The following PPP2R1B variants were observed in gnomAD, a reference collection of about 807,000 sequenced individuals.
PPP2R1B encodes serine/threonine-protein phosphatase 2A 65 kDa regulatory subunit A beta isoform.
A neutral mutation model predicts 72.7 loss-of-function variants in PPP2R1B; 58 were observed. That is an observed-to-expected ratio of 0.80 (90% CI 0.65 to 0.99). The LOEUF (loss-of-function observed/expected upper bound fraction) is 0.99, where lower values mean the gene tolerates loss of function less well. Among genes scored for constraint, PPP2R1B ranks in the 50% least tolerant of loss-of-function variants. The pLI, the probability that PPP2R1B is intolerant of heterozygous loss-of-function variation, is 0.00. For missense variants in PPP2R1B, 695 were observed against 733.6 expected, an observed-to-expected ratio of 0.95 and a Z score of 0.61; for synonymous variants, 256 against 264.6, an observed-to-expected ratio of 0.97 and a Z score of 0.32.
the PPP2R1B span, chr11:111,712,169 G>T: frequency 1.3e-6 from 2 of 1,572,450 alleles, no homozygotes; most frequent in African/African-American, 2.7e-5. Context: ...TATAGAGAAG[G>T]TATTCATGTT....
At chr11:111,725,301 G>A (rs149005940), downstream of PPP2R1B, 795 of 152,708 alleles carry the variant, frequency 5.2e-3, 8 homozygotes, top group South Asian at 9.1e-3. Context: ...TCTTAATTTC[G>A]TTAAAGTTTT....
intron 11 of PPP2R1B, 41 bp downstream of exon 11, chr11:111,747,913 T>TG (rs1565448029): frequency 6.5e-7 from 1 of 1,542,068 alleles, no homozygotes; most frequent in African/African-American, 1.4e-5. Flanking sequence ...ATGAAAATCA[T>TG]GGATATATGG....
chr11:111,711,956 C>T, the PPP2R1B span, among the ~76,000 whole-genome samples: 1 of 152,228 alleles, frequency 6.6e-6, no homozygotes, highest in Non-Finnish European at 1.5e-5. Context: ...TCGTCACCTG[C>T]GTGAAAGTCA....
the PPP2R1B span, among the ~76,000 whole-genome samples, chr11:111,714,201 T>G: frequency 6.6e-6 from 1 of 151,974 alleles, no homozygotes; most frequent in African/African-American, 2.4e-5. Flanking sequence ...TCCATCTCCA[T>G]AGAGAAGGGT....
At chr11:111,755,490 G>C in intron 5 of PPP2R1B, 40 bp from the exon 6 acceptor site, 1 of 1,557,748 alleles carries the variant, frequency 6.4e-7, no homozygotes, top group South Asian at 1.2e-5. Context: ...CATTTACTGA[G>C]ACCCATGGGG....
Position 111,737,878 on chromosome 11 carries a change from T to G in PPP2R1B, c.*3718A>C. 8.5e-7 allele frequency: 1 copy of G among 1,179,546 alleles called. No individual in the cohort carries two copies. Among genetic ancestry groups the G allele is most frequent in the East Asian group, 4.3e-5 (1 of 23,054 alleles). The allele number at this position is 1,179,546 out of a possible 1,614,324, so 73.1% of individuals were successfully genotyped here. A position where few individuals can be genotyped will look rare whatever the true frequency, so the allele number is the denominator to read the frequency against. On this transcript the variant is annotated 3_prime_UTR_variant, in exon 15 of 15. Transcript: ENST00000527614. The stretch of plus-strand genomic sequence containing the variant: ...CAACCACAGGAAAGACCTGGCTCCT[T>G]TCAGAACTCATATCAGTTTAAGAGA...
chr11:111,701,999 C>T, the PPP2R1B span, among the ~76,000 whole-genome samples: 13 of 152,144 alleles, frequency 8.5e-5, no homozygotes, highest in Admixed American at 7.2e-4. This position sits in a 1 kb window ranked among gnomAD's most constrained non-coding sequence, Gnocchi z 4.2. Context: ...CCCTGCCTGT[C>T]GTGTATTGAG....
At chr11:111,719,929 A>G in the PPP2R1B span, 1 of 1,614,178 alleles carries the variant, frequency 6.2e-7, no homozygotes. Flanking sequence ...GAGGCATTTC[A>G]GTCCACACGC....
At chr11:111,763,753 A>G (rs1246277396) in intron 3 of PPP2R1B, among the ~76,000 whole-genome samples, 1 of 152,132 alleles carries the variant, frequency 6.6e-6, no homozygotes. Context: ...TGGGGGATAA[A>G]GCTAAGTTTT....
the PPP2R1B span, among the ~76,000 whole-genome samples, chr11:111,708,641 A>G: frequency 6.6e-6 from 1 of 152,102 alleles, no homozygotes; most frequent in African/African-American, 2.4e-5. Context: ...GCCAGAGGAC[A>G]GTGGCAATCA....
downstream of PPP2R1B, chr11:111,724,278 G>C: frequency 1.7e-6 from 2 of 1,172,636 alleles, no homozygotes; most frequent in Non-Finnish European, 2.3e-6. Flanking sequence ...GGGTCTGGCT[G>C]GGGTGGATGT....
At position 111,760,813 on chromosome 11, in the gene PPP2R1B, G is replaced by A. The variant is rs1555051077; in HGVS notation, c.539+6C>T. ...TTTAACAAGGCAAAAAAATACCATG[G>A]CTTACTGTCTGATTTCTGCTTTAAC... On this transcript the variant is annotated splice_donor_region_variant and intron_variant, in intron 4 of 14. Transcript: ENST00000527614. 6.2e-7 allele frequency: 1 copy of A among 1,612,086 alleles called. No individual in the cohort carries two copies.
chr11:111,694,367 G>A, the PPP2R1B span, among the ~76,000 whole-genome samples: 6 of 152,118 alleles, frequency 3.9e-5, no homozygotes, highest in Admixed American at 2.0e-4. Flanking sequence ...AATGTAATTA[G>A]TATTGTATAA....
downstream of PPP2R1B, chr11:111,726,679 A>C (rs1212492737): frequency 2.3e-6 from 1 of 429,548 alleles, no homozygotes; most frequent in African/African-American, 2.0e-5. Context: ...GACCCATGGA[A>C]GCTTCCAAGC....
downstream of PPP2R1B, among the ~76,000 whole-genome samples, chr11:111,723,054 G>T (rs1943851197): frequency 6.6e-6 from 1 of 152,164 alleles, no homozygotes; most frequent in Non-Finnish European, 1.5e-5. Flanking sequence ...ATGGAGGTGG[G>T]GTAGGCGGCA....
chr11:111,754,221 G>A (rs1945017478), intron 8 of PPP2R1B, among the ~76,000 whole-genome samples: 2 of 152,148 alleles, frequency 1.3e-5, no homozygotes, highest in African/African-American at 2.4e-5. Context: ...CTGACCCCAA[G>A]GAATTTAAAG....
At chr11:111,763,075 G>A (rs797026487) in intron 3 of PPP2R1B, among the ~76,000 whole-genome samples, 2 of 152,198 alleles carry the variant, frequency 1.3e-5, no homozygotes, top group South Asian at 4.1e-4. Context: ...GATGTAGTAA[G>A]GGATGACTGT....
At chr11:111,743,656 A>G in intron 11 of PPP2R1B, 126 bp from the exon 12 acceptor site, 1 of 1,150,718 alleles carries the variant, frequency 8.7e-7, no homozygotes. Flanking sequence ...CTCCACATGT[A>G]ATCATGCTGC....
downstream of PPP2R1B, among the ~76,000 whole-genome samples, chr11:111,734,566 G>A (rs1016478647): frequency 2.6e-5 from 4 of 152,258 alleles, no homozygotes; most frequent in African/African-American, 9.6e-5. Context: ...CTGCTCCCGT[G>A]TGCCCTGTCA....
Sources: gnomAD v4.1 joint callset for allele counts (sites outside exome capture counted in the v4.1 genomes callset) on GRCh38, gnomAD v4.1.1 for gene constraint, Gnocchi (gnomAD v3.1) non-coding constraint, MANE v1.5 for transcripts, NCBI Gene and HGNC (gene_info 2026-07-23, HGNC 2026-07-21) for gene names.